The following CACNB2 variants were observed in gnomAD, a reference collection of about 807,000 sequenced individuals.
CACNB2 encodes calcium voltage-gated channel auxiliary subunit beta 2.
CACNB2 carries 42 observed loss-of-function variants against 73.3 expected under a neutral mutation model. The observed-to-expected ratio is 0.57, with a 90% CI of 0.45 to 0.74. The LOEUF is 0.74. CACNB2 is among the 30% of genes least tolerant of loss of function. The probability of loss-of-function intolerance (pLI) is 0.00; values close to 1 mark genes in which losing one functional copy is unlikely to be tolerated. For missense variants in CACNB2, 940 were observed against 853.0 expected (o/e 1.10, Z -1.27); for synonymous variants, 348 against 310.3 (o/e 1.12, Z -1.28).
chr10:18,157,160 G>T (rs2032116912), intron 2 of CACNB2, among the ~76,000 whole-genome samples: 1 of 151,796 alleles, frequency 6.6e-6, no homozygotes, highest in Admixed American at 6.6e-5. Context: ...TGCAATACAT[G>T]ATCACTTATA....
chr10:18,372,344 A>G (rs1332191105), intron 2 of CACNB2, among the ~76,000 whole-genome samples: 6 of 152,132 alleles, frequency 3.9e-5, no homozygotes, highest in African/African-American at 1.2e-4. Context: ...TAGGTCTAAC[A>G]TGTAAGTTTT....
intron 6 of CACNB2, among the ~76,000 whole-genome samples, chr10:18,507,524 C>T (rs1189760318): frequency 6.6e-6 from 1 of 152,310 alleles, no homozygotes; most frequent in African/African-American, 2.4e-5. Flanking sequence ...TATGCTAAAA[C>T]ATTGTTTTAA....
chr10:18,351,667 G>T (rs1323550398), intron 2 of CACNB2, among the ~76,000 whole-genome samples: 1 of 152,128 alleles, frequency 6.6e-6, no homozygotes, highest in Non-Finnish European at 1.5e-5. Context: ...TTTCCTCTCT[G>T]CCCTTAATCT....
At chr10:18,449,560 A>G (rs1260008183) in intron 3 of CACNB2, among the ~76,000 whole-genome samples, 1 of 151,488 alleles carries the variant, frequency 6.6e-6, no homozygotes, top group East Asian at 1.9e-4. Flanking sequence ...CTCTGCAAAA[A>G]CTCCCTTTTT....
chr10:18,514,383 CCA>C lies in CACNB2; in HGVS notation c.804+15_804+16del. ...TTCTTTAAGAAGGTAACATTAACTTCCAAGCTCCCATTGTCCACCTGCTCAAC... is the reference window on the plus strand; with the variant it reads ...TTCTTTAAGAAGGTAACATTAACTTCAGCTCCCATTGTCCACCTGCTCAAC... On this transcript the variant is annotated intron_variant, in intron 7 of 13. Transcript: ENST00000324631. The C allele has an allele frequency of 6.2e-7, 1 of 1,614,120 alleles. No individual in the cohort carries two copies.
intron 10 of CACNB2, among the ~76,000 whole-genome samples, chr10:18,528,077 T>C (rs1219299976): frequency 2.0e-5 from 3 of 152,160 alleles, no homozygotes; most frequent in South Asian, 2.1e-4. Flanking sequence ...CATAGAATCA[T>C]TGCAAGGATT....
At chr10:18,282,423 C>A (rs1279000898) in intron 2 of CACNB2, among the ~76,000 whole-genome samples, 1 of 152,152 alleles carries the variant, frequency 6.6e-6, no homozygotes, top group Non-Finnish European at 1.5e-5. Context: ...AAAAGATAGA[C>A]CAGTCACCTG....
At chr10:18,277,456 T>G (rs963752299) in intron 2 of CACNB2, among the ~76,000 whole-genome samples, 1 of 152,230 alleles carries the variant, frequency 6.6e-6, no homozygotes, top group Non-Finnish European at 1.5e-5. Context: ...TCTCTGTTCT[T>G]TTCCGCCAAG....
chr10:18,365,152 A>G (rs371238520), intron 2 of CACNB2, among the ~76,000 whole-genome samples: 14 of 152,304 alleles, frequency 9.2e-5, no homozygotes, highest in African/African-American at 2.9e-4. Flanking sequence ...CCTGAGTTCA[A>G]CTTACTCTTG....
At chr10:18,427,208 C>A (rs2045651634) in intron 3 of CACNB2, among the ~76,000 whole-genome samples, 2 of 152,038 alleles carry the variant, frequency 1.3e-5, no homozygotes, top group African/African-American at 4.8e-5. Context: ...ACCTGCGTCC[C>A]TTTTCTATAT....
chr10:18,392,596 G>T (rs567240058), intron 2 of CACNB2, among the ~76,000 whole-genome samples: 250 of 152,292 alleles, frequency 1.6e-3, no homozygotes, highest in African/African-American at 5.8e-3. Flanking sequence ...AGAAAATGGA[G>T]TCAAGGAAAG....
intron 3 of CACNB2, among the ~76,000 whole-genome samples, chr10:18,468,312 T>G (rs545218100): frequency 6.6e-6 from 1 of 152,044 alleles, no homozygotes; most frequent in African/African-American, 2.4e-5. Context: ...ACTAAAAAAA[T>G]TAGCTAGGCA....
intron 2 of CACNB2, among the ~76,000 whole-genome samples, chr10:18,288,310 TAAA>T (rs2038891888): frequency 6.6e-6 from 1 of 152,208 alleles, no homozygotes; most frequent in Admixed American, 6.5e-5. Context: ...TTTCTAGAAT[TAAA>T]TTTGTCCAGA....
intron 2 of CACNB2, among the ~76,000 whole-genome samples, chr10:18,288,862 C>T (rs1406309344): frequency 3.9e-5 from 6 of 152,190 alleles, no homozygotes; most frequent in African/African-American, 1.4e-4. Flanking sequence ...CTGGTCAACA[C>T]GGTGAAACCC....
chr10:18,299,414 G>A (rs1318867938), intron 2 of CACNB2, among the ~76,000 whole-genome samples: 1 of 152,232 alleles, frequency 6.6e-6, no homozygotes, highest in Non-Finnish European at 1.5e-5. Flanking sequence ...CAGTGGAGAA[G>A]GGGAGCGGGA....
intron 2 of CACNB2, among the ~76,000 whole-genome samples, chr10:18,179,997 T>C (rs1229795401): frequency 6.6e-6 from 1 of 152,204 alleles, no homozygotes. Context: ...TATGCACTAG[T>C]TGGCATGACT....
At chr10:18,498,254 T>C (rs772540231) in intron 3 of CACNB2, 101 bp from the exon 4 acceptor site, 46 of 1,411,106 alleles carry the variant, frequency 3.3e-5, no homozygotes, top group Non-Finnish European at 4.5e-5. Context: ...AAACCAACAA[T>C]GATTACAGTA....
chr10:18,500,806 G>T lies in CACNB2; in HGVS notation c.457-6G>T. ...TGATTTTTAATGCTTTTGATTTTGT[G>T]TTTAGAAATTTAACAATGACTGGTG... On this transcript the variant is annotated splice_polypyrimidine_tract_variant and splice_region_variant and intron_variant, in intron 4 of 13. Transcript: ENST00000324631. The T allele has an allele frequency of 6.2e-7, 1 of 1,613,528 alleles. No individual in the cohort carries two copies. Among genetic ancestry groups the T allele is most frequent in the Non-Finnish European group, 8.5e-7 (1 of 1,179,716 alleles).
chr10:18,249,378 C>T (rs923298446), intron 2 of CACNB2, among the ~76,000 whole-genome samples: 2 of 151,208 alleles, frequency 1.3e-5, no homozygotes, highest in African/African-American at 4.9e-5. Flanking sequence ...CCTGTAATAC[C>T]TCCTATTCCA....
Sources: gnomAD v4.1 joint callset for allele counts (sites outside exome capture counted in the v4.1 genomes callset) on GRCh38, gnomAD v4.1.1 for gene constraint, MANE v1.5 for transcripts, NCBI Gene and HGNC (gene_info 2026-07-23, HGNC 2026-07-21) for gene names.